Variants in HCN1 observed in about 807,000 individuals in gnomAD.
HCN1 encodes the protein hyperpolarization activated cyclic nucleotide gated potassium channel 1.
A neutral mutation model predicts 78.9 loss-of-function variants in HCN1; 13 were observed. That is an observed-to-expected ratio of 0.16 (90% CI 0.11 to 0.26). The LOEUF is 0.26. Among genes scored for constraint, HCN1 ranks in the 10% least tolerant of loss-of-function variants. The probability of loss-of-function intolerance (pLI) is 1.00; values close to 1 mark genes in which losing one functional copy is unlikely to be tolerated. For missense variants in HCN1, 810 were observed against 1,154.3 expected (o/e 0.70, Z 4.32); for synonymous variants, 552 against 455.5 (o/e 1.21, Z -2.70).
intron 2 of HCN1, among the ~76,000 whole-genome samples, chr5:45,606,059 C>T (rs571154940): frequency 2.0e-5 from 3 of 151,966 alleles, no homozygotes; most frequent in East Asian, 1.9e-4. Flanking sequence ...ATTCCCCAGG[C>T]AGGGTTGGAA....
At chr5:45,369,584 T>C (rs759189228) in intron 4 of HCN1, among the ~76,000 whole-genome samples, 14 of 152,166 alleles carry the variant, frequency 9.2e-5, no homozygotes, top group Admixed American at 5.3e-4. Flanking sequence ...AAGAAATAGA[T>C]ATATTCGCAT....
chr5:45,524,740 G>C (rs1200066482), intron 2 of HCN1, among the ~76,000 whole-genome samples: 6 of 152,102 alleles, frequency 3.9e-5, no homozygotes, highest in African/African-American at 1.2e-4. Flanking sequence ...TTGCTTATCA[G>C]CTTAAGGAGA....
intron 2 of HCN1, among the ~76,000 whole-genome samples, chr5:45,632,527 C>T (rs578210679): frequency 1.3e-5 from 2 of 152,042 alleles, no homozygotes; most frequent in African/African-American, 4.8e-5. Flanking sequence ...GAATTGATTT[C>T]CTAAGAGTAC....
At chr5:45,326,213 C>T (rs1403258759) in intron 5 of HCN1, among the ~76,000 whole-genome samples, 3 of 151,614 alleles carry the variant, frequency 2.0e-5, no homozygotes, top group South Asian at 2.1e-4. Context: ...ATACATACAC[C>T]TACTACATAC....
At chr5:45,503,641 A>G (rs924035762) in intron 2 of HCN1, among the ~76,000 whole-genome samples, 17 of 152,156 alleles carry the variant, frequency 1.1e-4, no homozygotes, top group Non-Finnish European at 1.8e-4. Flanking sequence ...ATATATTCAA[A>G]CATTTCATAA....
chr5:45,469,782 GGA>G (rs1019693149), intron 2 of HCN1, among the ~76,000 whole-genome samples: 4 of 147,324 alleles, frequency 2.7e-5, no homozygotes, highest in African/African-American at 5.0e-5. Context: ...TAATTATAAA[GGA>G]GTGTGTGTGT....
chr5:45,373,025 T>C (rs958949571), intron 4 of HCN1, among the ~76,000 whole-genome samples: 1 of 136,870 alleles, frequency 7.3e-6, no homozygotes, highest in South Asian at 2.2e-4. Context: ...ATATATATTT[T>C]ACATATATTA....
At chr5:45,395,810 C>T (rs984416650) in intron 4 of HCN1, among the ~76,000 whole-genome samples, 2 of 152,024 alleles carry the variant, frequency 1.3e-5, no homozygotes, top group Non-Finnish European at 2.9e-5. Context: ...TGTCCCAATA[C>T]CCTATATTTA....
intron 6 of HCN1, among the ~76,000 whole-genome samples, chr5:45,290,513 T>C (rs1273103401): frequency 1.3e-5 from 2 of 152,108 alleles, no homozygotes; most frequent in Non-Finnish European, 2.9e-5. Flanking sequence ...ATGACTTCTG[T>C]TAAGAATTTG....
chr5:45,344,178 T>A (rs1033663098), intron 5 of HCN1, among the ~76,000 whole-genome samples: 11 of 152,152 alleles, frequency 7.2e-5, no homozygotes, highest in African/African-American at 2.2e-4. Context: ...TTTAATACCA[T>A]CAGATCTTGG....
intron 2 of HCN1, among the ~76,000 whole-genome samples, chr5:45,494,319 T>C (rs1301754096): frequency 6.6e-6 from 1 of 152,248 alleles, no homozygotes; most frequent in African/African-American, 2.4e-5. Context: ...GGTATCTCAC[T>C]GTGGTTTTGA....
chr5:45,263,823 C>T (rs944088590), intron 7 of HCN1, among the ~76,000 whole-genome samples: 15 of 152,128 alleles, frequency 9.9e-5, no homozygotes, highest in South Asian at 4.1e-4. Flanking sequence ...GACGGAGTCT[C>T]GCTCTGATGC....
intron 2 of HCN1, among the ~76,000 whole-genome samples, chr5:45,525,336 T>C (rs1221506204): frequency 6.6e-6 from 1 of 151,966 alleles, no homozygotes; most frequent in Non-Finnish European, 1.5e-5. Flanking sequence ...TATTATAGTT[T>C]CTTTGTAAGA....
chr5:45,605,334 G>T lies in HCN1; in HGVS notation c.849+39851C>A, dbSNP rs576145478. On this transcript the variant is annotated intron_variant, in intron 2 of 7. Coordinates refer to ENST00000303230, the MANE Select transcript of HCN1 (RefSeq NM_021072.4). The stretch of plus-strand genomic sequence containing the variant: ...TTTTCTAGAACTTATTCTCCAAAAA[G>T]AATTGTAAAATTAATTAGTTATGCA... Among the ~76,000 whole-genome samples the T allele has an allele frequency of 4.6e-5, 7 of 151,886 alleles. No individual in the cohort carries two copies. The East Asian group carries it at 1.4e-3, about 29-fold the overall frequency.
chr5:45,374,213 ATT>A (rs1222436010), intron 4 of HCN1, among the ~76,000 whole-genome samples: 2 of 117,946 alleles, frequency 1.7e-5, no homozygotes, highest in African/African-American at 3.0e-5. Flanking sequence ...TAACATATAT[ATT>A]ATGTACATTA....
At chr5:45,638,280 G>A (rs1274656072) in intron 2 of HCN1, among the ~76,000 whole-genome samples, 1 of 152,114 alleles carries the variant, frequency 6.6e-6, no homozygotes, top group African/African-American at 2.4e-5. Flanking sequence ...GGACATTGAG[G>A]CAACTGGGTA....
chr5:45,655,502 C>A (rs1291490412), intron 1 of HCN1, among the ~76,000 whole-genome samples: 1 of 152,082 alleles, frequency 6.6e-6, no homozygotes, highest in Non-Finnish European at 1.5e-5. Context: ...TAAGAAAAGT[C>A]TTTTTAAAAA....
At chr5:45,522,191 TG>T (rs1742627596) in intron 2 of HCN1, among the ~76,000 whole-genome samples, 1 of 151,994 alleles carries the variant, frequency 6.6e-6, no homozygotes, top group South Asian at 2.1e-4. Context: ...TCCCCTAAGT[TG>T]TTAAAAAAAG....
At chr5:45,529,968 T>C (rs375245428) in intron 2 of HCN1, among the ~76,000 whole-genome samples, 8 of 152,266 alleles carry the variant, frequency 5.3e-5, no homozygotes, top group East Asian at 3.9e-4. Flanking sequence ...AATAAAGATA[T>C]GTAACATGCT....
Sources: allele counts gnomAD v4.1 joint callset (sites outside exome capture counted in the v4.1 genomes callset), GRCh38; gene constraint gnomAD v4.1.1; transcripts MANE v1.5; gene names NCBI Gene and HGNC (gene_info 2026-07-23, HGNC 2026-07-21).